HPSE2: variants seen among roughly 807,000 people sequenced by gnomAD.
The protein encoded by HPSE2 is inactive heparanase-2.
A neutral mutation model predicts 60.5 loss-of-function variants in HPSE2; 38 were observed. The observed-to-expected ratio is 0.63, with a 90% CI of 0.48 to 0.82. HPSE2 has a LOEUF of 0.82. Ranked by LOEUF, HPSE2 falls within the 40% of genes least tolerant of loss-of-function variation. The pLI, the probability that HPSE2 is intolerant of heterozygous loss-of-function variation, is 0.00. For synonymous variants in HPSE2, 295 were observed against 293.2 expected (o/e 1.01, Z -0.06); for missense variants, 713 against 740.4 (o/e 0.96, Z 0.43).
At chr10:98,629,869 G>C (rs1946314644) in intron 7 of HPSE2, among the ~76,000 whole-genome samples, 1 of 152,176 alleles carries the variant, frequency 6.6e-6, no homozygotes, top group Non-Finnish European at 1.5e-5. Flanking sequence ...TGGATTCAAA[G>C]TTGTCATAAC....
intron 3 of HPSE2, among the ~76,000 whole-genome samples, chr10:99,084,179 A>G (rs1022740784): frequency 6.6e-6 from 1 of 152,092 alleles, no homozygotes; most frequent in Admixed American, 6.5e-5. Flanking sequence ...CTATCCTGAA[A>G]TAAATGCTAG....
At chr10:99,201,168 T>G (rs1352517504) in intron 2 of HPSE2, among the ~76,000 whole-genome samples, 1 of 152,080 alleles carries the variant, frequency 6.6e-6, no homozygotes, top group Non-Finnish European at 1.5e-5. Context: ...AAAATACAAA[T>G]GTCTCCCTTT....
At chr10:99,295,295 A>G in the HPSE2 span, among the ~76,000 whole-genome samples, 8 of 152,214 alleles carry the variant, frequency 5.3e-5, no homozygotes, top group African/African-American at 1.7e-4. Flanking sequence ...TGGTAGAACC[A>G]GGAAATAATC....
intron 3 of HPSE2, among the ~76,000 whole-genome samples, chr10:99,116,181 T>C (rs769898940): frequency 2.3e-4 from 35 of 152,040 alleles, no homozygotes; most frequent in Non-Finnish European, 1.2e-4. Flanking sequence ...TCACTAATCC[T>C]TACGTACATC....
At chr10:98,824,179 G>C (rs143704765) in intron 3 of HPSE2, among the ~76,000 whole-genome samples, 2 of 151,946 alleles carry the variant, frequency 1.3e-5, no homozygotes, top group Non-Finnish European at 2.9e-5. Flanking sequence ...TTCAAAACCA[G>C]GCAAAACTAA....
At position 98,580,838 on chromosome 10, in the gene HPSE2, G is replaced by A. The variant is rs375060637; in HGVS notation, c.1320+34066C>T. Among the ~76,000 whole-genome samples, 541 of 60,920 alleles carry A rather than the reference G, an allele frequency of 8.9e-3. 3 individuals are homozygous for A. The highest frequency in any genetic ancestry group is 0.065 in the Middle Eastern group (7 of 108). 40.0% of individuals were successfully genotyped at this position (60,920 alleles called of 152,430 possible). Reference sequence around the variant, plus strand: ...TGTGCTTGGTTTTATATATATATATGTGTGTGTGTGTGTGTGTGTGTGTGT... The same window carrying A: ...TGTGCTTGGTTTTATATATATATATATGTGTGTGTGTGTGTGTGTGTGTGT... On this transcript the variant is annotated intron_variant, in intron 9 of 11. Coordinates refer to ENST00000370552, the MANE Select transcript of HPSE2 (RefSeq NM_021828.5).
chr10:98,765,278 A>G (rs969662291), intron 3 of HPSE2, among the ~76,000 whole-genome samples: 1 of 152,192 alleles, frequency 6.6e-6, no homozygotes, highest in Non-Finnish European at 1.5e-5. Flanking sequence ...AAGCAAATAT[A>G]AAAGAACTCA....
chr10:99,248,857 G>T, the HPSE2 span, among the ~76,000 whole-genome samples: 2 of 152,182 alleles, frequency 1.3e-5, no homozygotes, highest in Admixed American at 6.5e-5. Context: ...GGCTAAAAGA[G>T]CCCCAGATAG....
At chr10:98,571,066 G>A (rs1411704404) in intron 9 of HPSE2, among the ~76,000 whole-genome samples, 3 of 152,192 alleles carry the variant, frequency 2.0e-5, no homozygotes, top group South Asian at 2.1e-4. Context: ...TAGTGCAATC[G>A]AAGATTTATT....
At chr10:98,599,345 G>T (rs1945334029) in intron 9 of HPSE2, among the ~76,000 whole-genome samples, 1 of 152,220 alleles carries the variant, frequency 6.6e-6, no homozygotes, top group African/African-American at 2.4e-5. Flanking sequence ...TATCCTGATG[G>T]CTAAGACTGC....
At chr10:99,046,325 C>G (rs1957854005) in intron 3 of HPSE2, among the ~76,000 whole-genome samples, 1 of 152,024 alleles carries the variant, frequency 6.6e-6, no homozygotes, top group African/African-American at 2.4e-5. Context: ...ACTGAAGGAA[C>G]ATACCTCAAA....
At chr10:98,950,498 GA>G (rs758884748) in intron 3 of HPSE2, among the ~76,000 whole-genome samples, 5 of 151,984 alleles carry the variant, frequency 3.3e-5, no homozygotes, top group Admixed American at 6.6e-5. Flanking sequence ...AAAATGAATG[GA>G]AAAAATGATG....
intron 3 of HPSE2, among the ~76,000 whole-genome samples, chr10:98,822,759 T>C (rs1399108737): frequency 1.3e-5 from 2 of 152,120 alleles, no homozygotes; most frequent in Non-Finnish European, 2.9e-5. Context: ...CAAAAGGAAG[T>C]TGTATGTACC....
At position 98,504,099 on chromosome 10, in the gene HPSE2, G is replaced by A. The variant is rs548335347; in HGVS notation, c.1321-13903C>T. Among the ~76,000 whole-genome samples, 22 of 152,174 alleles carry A rather than the reference G, an allele frequency of 1.4e-4. No homozygotes were observed. In the South Asian group the frequency reaches 3.9e-3, roughly 27 times the overall value. On this transcript the variant is annotated intron_variant, in intron 9 of 11. Coordinates refer to ENST00000370552, the MANE Select transcript of HPSE2 (RefSeq NM_021828.5). ...AATAAATAAATATAGCTTTGAATTC[G>A]TATTTCTTTCTATTGCTCCAATCTC... is the stretch of plus-strand genomic sequence containing the variant.
rs1031941349 is a variant in HPSE2, at chr10:98,935,675, G to A, written c.611-191619C>T. Among the ~76,000 whole-genome samples, 16 of 144,040 alleles carry A rather than the reference G, an allele frequency of 1.1e-4. 3 individuals are homozygous for A. The highest frequency in any genetic ancestry group is 4.5e-4 in the African/African-American group (16 of 35,512). 94.5% of individuals were successfully genotyped at this position (144,040 alleles called of 152,430 possible). Reference sequence around the variant, plus strand: ...TCCTCTGGAAGCTTCATCCCAGAGGGGCACTGACCTGATGCCAGCTGGAGC... The same window carrying A: ...TCCTCTGGAAGCTTCATCCCAGAGGAGCACTGACCTGATGCCAGCTGGAGC... On this transcript the variant is annotated intron_variant, in intron 3 of 11. Coordinates refer to ENST00000370552, the MANE Select transcript of HPSE2 (RefSeq NM_021828.5).
At chr10:99,013,098 G>A in intron 3 of HPSE2, 1 of 642,250 alleles carries the variant, frequency 1.6e-6, no homozygotes, top group Non-Finnish European at 3.0e-6. Context: ...GGTCAGTAGA[G>A]ATAATCTAAT....
chr10:99,300,293 G>A, the HPSE2 span, among the ~76,000 whole-genome samples: 1 of 152,140 alleles, frequency 6.6e-6, no homozygotes. Context: ...GTAGAGGACT[G>A]ATGAGGCCCA....
chr10:99,154,315 TTGAAA>T (rs1846428559), intron 2 of HPSE2, among the ~76,000 whole-genome samples: 1 of 121,038 alleles, frequency 8.3e-6, no homozygotes, highest in African/African-American at 2.8e-5. Flanking sequence ...TTCACCAAAG[TTGAAA>T]TGAAGGAAAA....
At chr10:98,904,741 A>G (rs975923529) in intron 3 of HPSE2, among the ~76,000 whole-genome samples, 1 of 152,214 alleles carries the variant, frequency 6.6e-6, no homozygotes, top group Admixed American at 6.5e-5. Context: ...TCCTTTAAAA[A>G]ACAATGGAAG....
Sources: allele counts gnomAD v4.1 joint callset (sites outside exome capture counted in the v4.1 genomes callset), GRCh38; gene constraint gnomAD v4.1.1; transcripts MANE v1.5; gene names NCBI Gene and HGNC (gene_info 2026-07-23, HGNC 2026-07-21).